The following LRP1B variants were observed in gnomAD, a reference collection of about 807,000 sequenced individuals.
The protein encoded by LRP1B is low-density lipoprotein receptor-related protein 1B.
In LRP1B, 217 loss-of-function variants were observed where a neutral mutation model predicts 556.6. The observed-to-expected ratio is 0.39, with a 90% confidence interval of 0.35 to 0.44. LRP1B has a LOEUF of 0.44. Among genes scored for constraint, LRP1B ranks in the 20% least tolerant of loss-of-function variants. LRP1B has a pLI of 1.00. For missense variants in LRP1B, 5,053 were observed against 5,620.8 expected (o/e 0.90, Z 3.23); for synonymous variants, 2,047 against 1,865.8 (o/e 1.10, Z -2.50).
intron 16 of LRP1B, among the ~76,000 whole-genome samples, chr2:140,992,370 G>A (rs1368152698): frequency 1.3e-5 from 2 of 152,034 alleles, no homozygotes; most frequent in South Asian, 4.1e-4. Flanking sequence ...ACCCATAGAG[G>A]AGGTCAGTTT....
intron 84 of LRP1B, among the ~76,000 whole-genome samples, chr2:140,284,031 G>T (rs886922590): frequency 6.6e-6 from 1 of 150,892 alleles, no homozygotes; most frequent in Non-Finnish European, 1.5e-5. Flanking sequence ...GAAATGAAGC[G>T]TGCAAATATA....
rs557433910 is a variant in LRP1B at position 140,304,723 on chromosome 2, T to C, written c.12806-6754A>G. 3.2e-3 allele frequency among the ~76,000 whole-genome samples: 484 copies of C among 152,228 alleles called. 3 individuals carry two copies. The highest frequency in any genetic ancestry group is 5.0e-3 in the Non-Finnish European group (337 of 68,000). On this transcript the variant is annotated intron_variant, in intron 83 of 90. Coordinates refer to ENST00000389484, the MANE Select transcript of LRP1B (RefSeq NM_018557.3). The stretch of plus-strand genomic sequence containing the variant: ...GCTTTTGGTGTTTTAGACATGAAGT[T>C]CTTGCCCATGCCTATGTCCTGAATG...
intron 83 of LRP1B, among the ~76,000 whole-genome samples, chr2:140,304,830 G>A (rs1032785531): frequency 5.3e-5 from 8 of 152,268 alleles, no homozygotes; most frequent in Non-Finnish European, 1.2e-4. Flanking sequence ...ATTAATTTTT[G>A]TATAAGGTGT....
intron 2 of LRP1B, among the ~76,000 whole-genome samples, chr2:141,595,248 A>G (rs1186723195): frequency 6.6e-6 from 1 of 152,128 alleles, no homozygotes; most frequent in African/African-American, 2.4e-5. Flanking sequence ...ATCAGGATCT[A>G]GGGAAAATAT....
intron 22 of LRP1B, among the ~76,000 whole-genome samples, chr2:140,907,155 G>C (rs753519033): frequency 8.6e-5 from 13 of 151,776 alleles, no homozygotes; most frequent in Non-Finnish European, 1.3e-4. Flanking sequence ...TTATCATTCT[G>C]TAAACTGTTC....
chr2:141,931,578 T>C (rs1307960861), intron 1 of LRP1B, among the ~76,000 whole-genome samples: 1 of 152,000 alleles, frequency 6.6e-6, no homozygotes, highest in Non-Finnish European at 1.5e-5. Context: ...ATTATTAAAA[T>C]TACTTTAAAT....
chr2:140,899,036 T>C (rs184230444), intron 23 of LRP1B: 74 of 309,064 alleles, frequency 2.4e-4, no homozygotes, highest in Admixed American at 1.1e-3. Context: ...ATCTGTCCAC[T>C]TGATATGGAA....
At chr2:142,010,494 G>C (rs1702924107) in intron 1 of LRP1B, among the ~76,000 whole-genome samples, 1 of 141,068 alleles carries the variant, frequency 7.1e-6, no homozygotes, top group Non-Finnish European at 1.5e-5. Flanking sequence ...GGCGGAGCTT[G>C]CAGTGAGCCG....
chr2:141,666,198 A>C (rs1690425760), intron 2 of LRP1B, among the ~76,000 whole-genome samples: 1 of 152,188 alleles, frequency 6.6e-6, no homozygotes, highest in Non-Finnish European at 1.5e-5. Flanking sequence ...ATTGGTGTCC[A>C]ATTCTGTGGA....
At chr2:141,151,280 C>G (rs1456075794) in intron 7 of LRP1B, among the ~76,000 whole-genome samples, 1 of 152,082 alleles carries the variant, frequency 6.6e-6, no homozygotes, top group Non-Finnish European at 1.5e-5. Flanking sequence ...TGCAGTAAAT[C>G]ATACACTGGC....
At chr2:141,283,939 C>T (rs1479805218) in intron 3 of LRP1B, among the ~76,000 whole-genome samples, 1 of 151,978 alleles carries the variant, frequency 6.6e-6, no homozygotes, top group Admixed American at 6.6e-5. Flanking sequence ...TGAGCTTTTG[C>T]TGTTTGCTTA....
At chr2:140,874,203 A>T (rs1226392143) in intron 25 of LRP1B, among the ~76,000 whole-genome samples, 2 of 152,172 alleles carry the variant, frequency 1.3e-5, no homozygotes, top group African/African-American at 4.8e-5. Context: ...GCTTGATATT[A>T]AAAAACACAC....
chr2:140,521,586 A>G (rs1186894925), intron 49 of LRP1B, among the ~76,000 whole-genome samples: 1 of 152,016 alleles, frequency 6.6e-6, no homozygotes, highest in African/African-American at 2.4e-5. Context: ...AAAAGAACAC[A>G]TAAGCACACA....
At chr2:141,104,589 C>T (rs139948213) in intron 7 of LRP1B, among the ~76,000 whole-genome samples, 40 of 152,086 alleles carry the variant, frequency 2.6e-4, no homozygotes, top group Admixed American at 1.3e-3. Flanking sequence ...GTCTATAGTT[C>T]AGGTTTTATT....
intron 2 of LRP1B, among the ~76,000 whole-genome samples, chr2:141,669,027 T>C (rs1690560738): frequency 6.6e-6 from 1 of 152,156 alleles, no homozygotes; most frequent in African/African-American, 2.4e-5. Flanking sequence ...ATATCATAAA[T>C]GTTCTGAGTT....
chr2:141,004,326 A>G (rs1697508568), intron 15 of LRP1B, among the ~76,000 whole-genome samples: 1 of 152,118 alleles, frequency 6.6e-6, no homozygotes, highest in African/African-American at 2.4e-5. Context: ...TCAGTCGTGT[A>G]GATGAACTTG....
At chr2:141,381,006 G>T (rs1197751069) in intron 3 of LRP1B, among the ~76,000 whole-genome samples, 1 of 151,270 alleles carries the variant, frequency 6.6e-6, no homozygotes, top group Non-Finnish European at 1.5e-5. Context: ...GAAACTAACA[G>T]AGTTAGTTAG....
chr2:140,707,361 G>A (rs751755708), intron 37 of LRP1B, among the ~76,000 whole-genome samples: 8 of 152,190 alleles, frequency 5.3e-5, no homozygotes, highest in East Asian at 3.9e-4. Context: ...GTCTCCTAGC[G>A]TGGGAGTCAA....
At chr2:141,304,821 T>C (rs1686527225) in intron 3 of LRP1B, among the ~76,000 whole-genome samples, 1 of 152,096 alleles carries the variant, frequency 6.6e-6, no homozygotes, top group Admixed American at 6.6e-5. Flanking sequence ...CTTTTGAATA[T>C]GAATACTCAG....
Sources: gnomAD v4.1 joint callset for allele counts (sites outside exome capture counted in the v4.1 genomes callset) on GRCh38, gnomAD v4.1.1 for gene constraint, MANE v1.5 for transcripts, NCBI Gene and HGNC (gene_info 2026-07-23, HGNC 2026-07-21) for gene names.